QTGAL: variants seen among roughly 807,000 people sequenced by gnomAD.
QTGAL encodes the protein BGnT-like protein 1.
the QTGAL span, among the ~76,000 whole-genome samples, chr17:83,026,896 C>G: frequency 7.2e-6 from 1 of 139,100 alleles, no homozygotes; most frequent in African/African-American, 2.7e-5. Flanking sequence ...AACCCACCCT[C>G]GACAGACACA....
the QTGAL span, among the ~76,000 whole-genome samples, chr17:82,968,296 T>C: frequency 6.6e-6 from 1 of 152,154 alleles, no homozygotes; most frequent in Non-Finnish European, 1.5e-5. Flanking sequence ...GGATAAGCCC[T>C]GTGGTGCCCG....
At chr17:82,999,495 C>T in the QTGAL span, among the ~76,000 whole-genome samples, 28 of 152,246 alleles carry the variant, frequency 1.8e-4, no homozygotes, top group East Asian at 3.1e-3. Flanking sequence ...TTTAACTCCC[C>T]GAAAATTTAA....
chr17:82,950,744 C>G, the QTGAL span, among the ~76,000 whole-genome samples: 1 of 152,240 alleles, frequency 6.6e-6, no homozygotes, highest in African/African-American at 2.4e-5. Context: ...CCTCGTACAT[C>G]AGCCTCAGAG....
At chr17:82,973,265 C>T in the QTGAL span, among the ~76,000 whole-genome samples, 3 of 148,770 alleles carry the variant, frequency 2.0e-5, no homozygotes, top group Non-Finnish European at 4.5e-5. Context: ...AGACACAAAG[C>T]AAATAACGAC....
At chr17:82,957,232 G>A in the QTGAL span, 17 of 1,614,068 alleles carry the variant, frequency 1.1e-5, no homozygotes, top group Non-Finnish European at 1.2e-5. Flanking sequence ...TCTCGTCCAC[G>A]TCACAGAATG....
the QTGAL span, among the ~76,000 whole-genome samples, chr17:83,034,230 G>A: frequency 2.7e-4 from 41 of 152,326 alleles, no homozygotes; most frequent in African/African-American, 8.7e-4. Context: ...GTGAGCCACC[G>A]CGCCCAGCCT....
chr17:83,048,060 T>C, the QTGAL span, among the ~76,000 whole-genome samples: 26 of 152,234 alleles, frequency 1.7e-4, no homozygotes, highest in East Asian at 5.0e-3. Flanking sequence ...GGAGTCTTGC[T>C]CTGTCACCCC....
chr17:83,026,612 C>A, the QTGAL span, among the ~76,000 whole-genome samples: 184 of 85,170 alleles, frequency 2.2e-3, no homozygotes, highest in Middle Eastern at 9.1e-3. Context: ...CACCATCGAC[C>A]GATACACAGA....
the QTGAL span, among the ~76,000 whole-genome samples, chr17:82,963,794 C>T: frequency 6.6e-6 from 1 of 151,958 alleles, no homozygotes; most frequent in South Asian, 2.1e-4. Flanking sequence ...ATGACAACTT[C>T]CTAACATTAG....
At chr17:82,960,739 G>A in the QTGAL span, among the ~76,000 whole-genome samples, 1 of 152,228 alleles carries the variant, frequency 6.6e-6, no homozygotes, top group African/African-American at 2.4e-5. Flanking sequence ...CCACTCATGA[G>A]ACTCCCGTCG....
At chr17:82,974,001 C>T in the QTGAL span, among the ~76,000 whole-genome samples, 4 of 152,166 alleles carry the variant, frequency 2.6e-5, no homozygotes, top group African/African-American at 4.8e-5. Context: ...CCCCATGGGG[C>T]GCGTTTCACC....
At chr17:82,994,085 C>A in the QTGAL span, among the ~76,000 whole-genome samples, 1 of 151,976 alleles carries the variant, frequency 6.6e-6, no homozygotes, top group African/African-American at 2.4e-5. Flanking sequence ...AACAACCTAA[C>A]AATGCATCTT....
the QTGAL span, chr17:82,949,726 T>C: frequency 4.6e-5 from 7 of 152,198 alleles, no homozygotes; most frequent in African/African-American, 1.7e-4. Context: ...CAAGCAAACT[T>C]AAAACATGAA....
At chr17:83,035,822 T>C in the QTGAL span, among the ~76,000 whole-genome samples, 1 of 152,088 alleles carries the variant, frequency 6.6e-6, no homozygotes, top group Non-Finnish European at 1.5e-5. Context: ...GGCACATGTG[T>C]GACGGGCTGG....
the QTGAL span, among the ~76,000 whole-genome samples, chr17:82,993,643 A>G: frequency 3.3e-5 from 5 of 152,074 alleles, no homozygotes; most frequent in Non-Finnish European, 7.4e-5. Context: ...GACCTAATAG[A>G]TATTTACAAA....
At chr17:82,957,941 T>C in the QTGAL span, among the ~76,000 whole-genome samples, 6,913 of 152,170 alleles carry the variant, frequency 0.045, 572 homozygotes, top group African/African-American at 0.16. Context: ...CCTGGGAACC[T>C]GGTCTCTGTT....
the QTGAL span, among the ~76,000 whole-genome samples, chr17:82,985,983 T>C: frequency 6.6e-6 from 1 of 152,336 alleles, no homozygotes; most frequent in South Asian, 2.1e-4. Flanking sequence ...TCCGGGCCTG[T>C]TCTCTGTGCA....
the QTGAL span, among the ~76,000 whole-genome samples, chr17:82,951,691 C>T: frequency 2.0e-5 from 3 of 151,856 alleles, no homozygotes; most frequent in Non-Finnish European, 4.4e-5. Flanking sequence ...TGATTTAAAG[C>T]GAGAGACGTG....
At chr17:83,018,496 G>C in the QTGAL span, among the ~76,000 whole-genome samples, 3 of 152,224 alleles carry the variant, frequency 2.0e-5, no homozygotes, top group African/African-American at 7.2e-5. Flanking sequence ...TCTATGGCTG[G>C]AGAGAGAATA....
Sources: allele counts gnomAD v4.1 joint callset (sites outside exome capture counted in the v4.1 genomes callset), GRCh38; gene constraint gnomAD v4.1.1; transcripts MANE v1.5; gene names NCBI Gene and HGNC (gene_info 2026-07-23, HGNC 2026-07-21).